The following LRRC49 variants were observed in gnomAD, a reference collection of about 807,000 sequenced individuals.
LRRC49 encodes the protein leucine-rich repeat-containing protein 49.
LRRC49 carries 50 observed loss-of-function variants against 83.3 expected under a neutral mutation model. The ratio of observed to expected loss-of-function variants is 0.60; its 90% CI spans 0.48 to 0.76. The LOEUF is 0.76. LRRC49 is among the 30% of genes least tolerant of loss of function. The probability of loss-of-function intolerance (pLI) is 0.00; values close to 1 mark genes in which losing one functional copy is unlikely to be tolerated. For synonymous variants in LRRC49, 286 were observed against 283.3 expected, an observed-to-expected ratio of 1.01 and a Z score of -0.10; for missense variants, 704 against 809.1, an observed-to-expected ratio of 0.87 and a Z score of 1.58.
intron 1 of LRRC49, among the ~76,000 whole-genome samples, chr15:70,856,567 CA>C (rs1208665685): frequency 1.3e-5 from 2 of 152,166 alleles, no homozygotes; most frequent in Non-Finnish European, 2.9e-5. Context: ...AAATCAAATG[CA>C]AAACTTGCAC....
At chr15:71,002,958 T>TTC (rs2038316897) in intron 11 of LRRC49, among the ~76,000 whole-genome samples, 1 of 141,008 alleles carries the variant, frequency 7.1e-6, no homozygotes, top group Non-Finnish European at 1.5e-5. Flanking sequence ...TTTTTTTTTT[T>TTC]TTTTTTTGAG....
At chr15:70,914,857 G>A (rs1232755995) in intron 6 of LRRC49, among the ~76,000 whole-genome samples, 1 of 152,120 alleles carries the variant, frequency 6.6e-6, no homozygotes, top group Non-Finnish European at 1.5e-5. Context: ...TTTCTGTATT[G>A]GTAGGTAGGA....
chr15:70,946,246 C>A (rs1392715830), intron 8 of LRRC49, among the ~76,000 whole-genome samples: 2 of 152,122 alleles, frequency 1.3e-5, no homozygotes, highest in Non-Finnish European at 2.9e-5. Context: ...TCCCCAATCA[C>A]CCTACATGAC....
chr15:70,995,120 G>A (rs1427698713), intron 11 of LRRC49, among the ~76,000 whole-genome samples: 1 of 152,110 alleles, frequency 6.6e-6, no homozygotes, highest in African/African-American at 2.4e-5. Flanking sequence ...GGGATCAAAG[G>A]CAAGGAATTA....
chr15:70,995,897 C>G (rs2038058522), intron 11 of LRRC49, among the ~76,000 whole-genome samples: 1 of 152,114 alleles, frequency 6.6e-6, no homozygotes, highest in African/African-American at 2.4e-5. Flanking sequence ...AGGAGTTCCA[C>G]AAAGTCGTTA....
intron 15 of LRRC49, among the ~76,000 whole-genome samples, chr15:71,047,096 T>C (rs1242309039): frequency 6.6e-6 from 1 of 152,214 alleles, no homozygotes; most frequent in African/African-American, 2.4e-5. Flanking sequence ...TGTGGCTTTA[T>C]AGTATAGTTT....
At chr15:70,917,993 C>T (rs183633404) in intron 6 of LRRC49, among the ~76,000 whole-genome samples, 3,062 of 152,342 alleles carry the variant, frequency 0.02, 34 homozygotes, top group Non-Finnish European at 0.031. Context: ...AGGGCTGTGA[C>T]TCCCTCTTTG....
chr15:70,926,566 G>A (rs907883619), intron 7 of LRRC49, among the ~76,000 whole-genome samples: 7 of 151,806 alleles, frequency 4.6e-5, no homozygotes, highest in African/African-American at 1.7e-4. Flanking sequence ...TGTGCACAAC[G>A]TGTAGGTTAG....
At chr15:70,947,947 G>A (rs1277963997) in intron 8 of LRRC49, among the ~76,000 whole-genome samples, 1 of 152,130 alleles carries the variant, frequency 6.6e-6, no homozygotes, top group African/African-American at 2.4e-5. Flanking sequence ...TACAGGAAAG[G>A]GGTGTTTTAT....
At chr15:71,027,180 C>A (rs2039199672) in intron 14 of LRRC49, among the ~76,000 whole-genome samples, 1 of 152,176 alleles carries the variant, frequency 6.6e-6, no homozygotes. Context: ...GTTTTCCCAG[C>A]ACCATTTATT....
At chr15:70,918,890 T>G (rs1026645712) in intron 6 of LRRC49, 160 bp from the exon 7 acceptor site, 6 of 544,978 alleles carry the variant, frequency 1.1e-5, no homozygotes, top group Non-Finnish European at 1.9e-5. Context: ...TGACTTCATG[T>G]TATCTACAGC....
chr15:70,994,181 G>T (rs1046827328), intron 11 of LRRC49, among the ~76,000 whole-genome samples: 1 of 152,062 alleles, frequency 6.6e-6, no homozygotes, highest in African/African-American at 2.4e-5. Context: ...TTAGATAAGG[G>T]TCTAACTTGA....
Position 71,012,829 on chromosome 15 carries a change from C to G in LRRC49, c.1619C>G (p.Ala540Gly), listed in dbSNP as rs2038698654. The change falls in exon 14 of 16, where the codon GCT becomes GGT. Residue 540 changes from alanine (A) to glycine (G), a missense_variant. Transcript: ENST00000260382. Reference sequence around the variant, plus strand: ...GTGACACAGAATGATATGATAATGGCTGAAAGGCTCTTTGGAATCCTAGCA... The same window carrying G: ...GTGACACAGAATGATATGATAATGGGTGAAAGGCTCTTTGGAATCCTAGCA... ...TEVTQNDMIM[A>G]ERLFGILAHV... 1 of 1,612,162 alleles carries G rather than the reference C, an allele frequency of 6.2e-7. No individual in the cohort carries two copies. Among genetic ancestry groups the G allele is most frequent in the African/African-American group, 1.3e-5 (1 of 74,824 alleles).
At chr15:70,895,655 C>G in intron 2 of LRRC49, 194 bp from the exon 3 acceptor site, 1 of 481,096 alleles carries the variant, frequency 2.1e-6, no homozygotes, top group Non-Finnish European at 3.7e-6. Flanking sequence ...CTGGAAGCCA[C>G]AAATATGCTT....
At chr15:70,940,002 G>C (rs1218604223) in intron 8 of LRRC49, among the ~76,000 whole-genome samples, 2 of 151,786 alleles carry the variant, frequency 1.3e-5, no homozygotes, top group Non-Finnish European at 2.9e-5. Flanking sequence ...TCTAAGACAA[G>C]ATAATCCTCC....
chr15:70,984,898 C>T (rs973510823), intron 11 of LRRC49, among the ~76,000 whole-genome samples: 7 of 150,544 alleles, frequency 4.6e-5, no homozygotes, highest in South Asian at 4.3e-4. Context: ...TCTGTTCTTG[C>T]GATAGTTTAC....
intron 14 of LRRC49, among the ~76,000 whole-genome samples, chr15:71,033,016 A>G (rs548735142): frequency 2.4e-4 from 37 of 152,332 alleles, no homozygotes; most frequent in African/African-American, 8.7e-4. Flanking sequence ...GGCCAGGGCA[A>G]TCAGGCAAGA....
At chr15:71,046,096 C>T (rs780971914) in intron 15 of LRRC49, among the ~76,000 whole-genome samples, 3 of 152,200 alleles carry the variant, frequency 2.0e-5, no homozygotes, top group South Asian at 4.2e-4. Flanking sequence ...TCCAATCTAC[C>T]ATTGATGGGC....
intron 2 of LRRC49, among the ~76,000 whole-genome samples, chr15:70,875,635 T>C (rs537908185): frequency 1.3e-5 from 2 of 152,350 alleles, no homozygotes; most frequent in East Asian, 3.9e-4. Flanking sequence ...ACACTTACCA[T>C]GTGCCCAGCA....
Sources: allele counts gnomAD v4.1 joint callset (sites outside exome capture counted in the v4.1 genomes callset), GRCh38; gene constraint gnomAD v4.1.1; transcripts MANE v1.5; gene names NCBI Gene and HGNC (gene_info 2026-07-23, HGNC 2026-07-21).